AIFM1: variants seen among roughly 807,000 people sequenced by gnomAD.
AIFM1 encodes the protein apoptosis-inducing factor 1, mitochondrial.
AIFM1 carries 3 observed loss-of-function variants against 51.7 expected under a neutral mutation model. That is an observed-to-expected ratio of 0.06 (90% confidence interval 0.03 to 0.15). The LOEUF (loss-of-function observed/expected upper bound fraction) is 0.15, where lower values mean the gene tolerates loss of function less well. AIFM1 is among the 10% of genes least tolerant of loss of function. The pLI, the probability that AIFM1 is intolerant of heterozygous loss-of-function variation, is 1.00. For synonymous variants in AIFM1, 178 were observed against 179.4 expected (o/e 0.99, Z 0.06); for missense variants, 330 against 476.8 (o/e 0.69, Z 2.87).
intron 2 of AIFM1, among the ~76,000 whole-genome samples, chrX:130,152,649 T>C (rs1458735892): frequency 8.9e-6 from 1 of 112,088 alleles, no homozygotes; most frequent in African/African-American, 3.2e-5. Context: ...AAAGGCCACT[T>C]TGGCTCTGCC....
chrX:130,165,639 G>A lies in AIFM1; in HGVS notation c.18C>T (p.Gly6=), dbSNP rs1354081710. 5 of 1,199,049 alleles carry A rather than the reference G, an allele frequency of 4.2e-6. No homozygotes were observed. The highest frequency in any genetic ancestry group is 1.7e-5 in the African/African-American group (1 of 57,180). Residue 6 remains glycine (G), a synonymous_variant, in exon 1 of 16, where the codon GGC becomes GGT. Transcript: ENST00000287295. The part of the protein sequence containing the change: MFRCG[G]LAAGALKQKL... ...TCTGCTTCAAAGCACCCGCCGCCAG[G>A]CCTCCACACCGGAACATTTCGGCGA...
intron 2 of AIFM1, among the ~76,000 whole-genome samples, chrX:130,153,178 C>A (rs868818014): frequency 0.018 from 775 of 43,154 alleles, 1 homozygote; most frequent in Non-Finnish European, 0.023. Context: ...ACTAAAAATA[C>A]AAAAAAAAAA....
chrX:130,158,996 G>A (rs1367020400), intron 1 of AIFM1, among the ~76,000 whole-genome samples: 2 of 111,328 alleles, frequency 1.8e-5, no homozygotes, highest in African/African-American at 6.6e-5. Flanking sequence ...CTGAAATCCT[G>A]GGGACCATGT....
At chrX:130,155,219 A>G in intron 2 of AIFM1, 1 of 1,211,107 alleles carries the variant, frequency 8.3e-7, no homozygotes. Flanking sequence ...GGTTGCTGCC[A>G]TCTTTCCCAG....
At chrX:130,154,793 C>A (rs966376245) in intron 2 of AIFM1, among the ~76,000 whole-genome samples, 1 of 112,478 alleles carries the variant, frequency 8.9e-6, no homozygotes, top group African/African-American at 3.2e-5. Context: ...GTTCACATTA[C>A]CTTTATTTGC....
At chrX:130,158,475 G>A (rs1280497193) in intron 1 of AIFM1, among the ~76,000 whole-genome samples, 1 of 110,005 alleles carries the variant, frequency 9.1e-6, no homozygotes, top group Non-Finnish European at 1.9e-5. Flanking sequence ...AGGCCCAGAG[G>A]TTCTGATTCA....
intron 13 of AIFM1, 148 bp downstream of exon 13, chrX:130,133,165 A>C: frequency 1.4e-6 from 1 of 697,844 alleles, no homozygotes; most frequent in African/African-American, 2.1e-5. Flanking sequence ...TGGCTACCTG[A>C]GGGTAGAATG....
rs192363052 is a variant in AIFM1, at chrX:130,157,177, G to A, written c.107-574C>T. 4.7e-3 allele frequency among the ~76,000 whole-genome samples: 521 copies of A among 111,772 alleles called. 3 individuals are homozygous for A. The highest frequency in any genetic ancestry group is 0.016 in the African/African-American group (496 of 30,752). ...TCCCCCAAAGAACTAAAAAATTTTG[G>A]ACTATGAAATATTTTTTATAATGAC... On this transcript the variant is annotated intron_variant, in intron 1 of 15. Coordinates refer to ENST00000287295, the MANE Select transcript of AIFM1 (RefSeq NM_004208.4).
At chrX:130,141,790 T>C (rs2030587234) in intron 6 of AIFM1, among the ~76,000 whole-genome samples, 1 of 111,868 alleles carries the variant, frequency 8.9e-6, no homozygotes, top group African/African-American at 3.3e-5. Flanking sequence ...CCTAAACCTC[T>C]CCTCCTACCT....
In AIFM1 at chrX:130,136,650, C is replaced by T. The variant is rs1474640021; in HGVS notation, c.1157G>A (p.Gly386Asp). 2.5e-6 allele frequency: 3 copies of T among 1,207,346 alleles called. No individual in the cohort carries two copies. The highest frequency in any genetic ancestry group is 3.4e-6 in the Non-Finnish European group (3 of 893,592). The change falls in exon 11 of 16, where the codon GGC (glycine) becomes GAC (aspartate). Residue 386 changes from glycine (G) to aspartate (D), a missense_variant. Physicochemically the swap from Gly to Asp is moderately conservative, Grantham distance 94. Around this residue, in one of 4 missense-constraint regions of AIFM1, gnomAD observed 152 missense variants for 292.8 expected, o/e 0.52. Transcript: ENST00000287295. ...TATCTTTTCCTTCCTTACCTTCCTGCCGTCTTTCAGCTTGATAAGTAACTT... is the reference window on the plus strand; with the variant it reads ...TATCTTTTCCTTCCTTACCTTCCTGTCGTCTTTCAGCTTGATAAGTAACTT... ...SGKLLIKLKDGRKVETDHIVA... is the reference protein window; with the variant it reads ...SGKLLIKLKDDRKVETDHIVA...
chrX:130,131,868 T>C, intron 13 of AIFM1, 69 bp from the exon 14 acceptor site: 1 of 1,163,563 alleles, frequency 8.6e-7, no homozygotes, highest in Non-Finnish European at 1.2e-6. Flanking sequence ...ATATTCTCCA[T>C]GACACTGCAT....
In AIFM1 at chrX:130,129,492, G is replaced by T; in HGVS notation, c.*65C>A. 2.2e-6 allele frequency: 2 copies of T among 928,523 alleles called. No homozygotes were observed. The highest frequency in any genetic ancestry group is 3.1e-6 in the Non-Finnish European group (2 of 637,045). The allele number at this position is 928,523 out of a possible 1,213,427, so 76.5% of individuals were successfully genotyped here. A position where few individuals can be genotyped will look rare whatever the true frequency, so the allele number is the denominator to read the frequency against. On this transcript the variant is annotated 3_prime_UTR_variant, in exon 16 of 16. Transcript: ENST00000287295. ...GAGAAAGTCTGCTGAATAAAAAAAT[G>T]CTCCTTTACCCATTCGACCTCCTCT...
intron 3 of AIFM1, 77 bp from the exon 4 acceptor site, chrX:130,147,953 C>T (rs2030816312): frequency 3.5e-6 from 4 of 1,156,322 alleles, no homozygotes; most frequent in South Asian, 3.6e-5. Context: ...AAAAAAATCA[C>T]CTTGCACTTG....
intron 1 of AIFM1, 79 bp downstream of exon 1, chrX:130,165,472 G>A (rs186770415): frequency 2.4e-6 from 2 of 839,587 alleles, no homozygotes; most frequent in Non-Finnish European, 3.5e-6. Flanking sequence ...GGGGACGCGG[G>A]GGTAGAGGGC....
rs2031292022 is a variant in AIFM1, at chrX:130,159,856, C to T, written c.107-3253G>A. ...TTTTTTTTTGAGACAGGGTCTCACT[C>T]TGTCCCCAAGCTGGAGTGCAGTGGC... On this transcript the variant is annotated intron_variant, in intron 1 of 15. Coordinates refer to ENST00000287295, the MANE Select transcript of AIFM1 (RefSeq NM_004208.4). Among the ~76,000 whole-genome samples the T allele has an allele frequency of 2.8e-5, 3 of 107,941 alleles. No homozygotes were observed. The Admixed American group carries it at 3.0e-4, about 11-fold the overall frequency. The allele number at this position is 107,941 out of a possible 115,157, so 93.7% of individuals were successfully genotyped here. A position where few individuals can be genotyped will look rare whatever the true frequency, so the allele number is the denominator to read the frequency against.
intron 1 of AIFM1, among the ~76,000 whole-genome samples, chrX:130,161,049 A>C (rs1193708379): frequency 1.8e-5 from 2 of 111,624 alleles, no homozygotes; most frequent in African/African-American, 6.5e-5. Flanking sequence ...CTAAACTAGC[A>C]AGTTCATTTC....
chrX:130,154,597 G>C (rs2031103477), intron 2 of AIFM1, among the ~76,000 whole-genome samples: 1 of 112,182 alleles, frequency 8.9e-6, no homozygotes, highest in African/African-American at 3.2e-5. Context: ...ACTGCCAAAT[G>C]AATTTACTTT....
chrX:130,156,443 C>G lies in AIFM1; in HGVS notation c.249+18G>C. 8.3e-7 allele frequency: 1 copy of G among 1,210,556 alleles called. No individual in the cohort carries two copies. The highest frequency in any genetic ancestry group is 1.1e-6 in the Non-Finnish European group (1 of 894,736). ...AGCTGTTTGGCAGCTTCTTTATACA[C>G]GCTGCTTTTCTACTTACATAGGCAC... On this transcript the variant is annotated intron_variant, in intron 2 of 15. Coordinates refer to ENST00000287295, the MANE Select transcript of AIFM1 (RefSeq NM_004208.4).
intron 13 of AIFM1, 150 bp downstream of exon 13, chrX:130,133,163 T>C (rs2030172566): frequency 2.9e-6 from 2 of 694,661 alleles, no homozygotes; most frequent in Non-Finnish European, 4.6e-6. Flanking sequence ...GATGGCTACC[T>C]GAGGGTAGAA....
Sources: gnomAD v4.1 joint callset for allele counts (sites outside exome capture counted in the v4.1 genomes callset) on GRCh38, gnomAD v4.1.1 for gene constraint, gnomAD v4.1.1 regional missense constraint, MANE v1.5 for transcripts, NCBI Gene and HGNC (gene_info 2026-07-23, HGNC 2026-07-21) for gene names.